Variants in FRMPD4 observed in about 807,000 individuals in gnomAD.
The protein encoded by FRMPD4 is FERM and PDZ domain-containing protein 4.
In FRMPD4, 22 loss-of-function variants were observed where a neutral mutation model predicts 94.1. That is an observed-to-expected ratio of 0.23 (90% CI 0.17 to 0.33). The LOEUF (loss-of-function observed/expected upper bound fraction) is 0.33, where lower values mean the gene tolerates loss of function less well. Among genes scored for constraint, FRMPD4 ranks in the 10% least tolerant of loss-of-function variants. FRMPD4 has a pLI of 1.00. For missense variants in FRMPD4, 1,111 were observed against 1,339.9 expected, an observed-to-expected ratio of 0.83 and a Z score of 2.67; for synonymous variants, 631 against 548.6, an observed-to-expected ratio of 1.15 and a Z score of -2.10.
At chrX:12,501,188 C>T (rs771953440) in intron 2 of FRMPD4, among the ~76,000 whole-genome samples, 10 of 112,540 alleles carry the variant, frequency 8.9e-5, no homozygotes, top group Non-Finnish European at 1.7e-4. Context: ...CTAATGCCCA[C>T]TGTTAAAACA....
chrX:12,561,966 A>G (rs938037492), intron 2 of FRMPD4, among the ~76,000 whole-genome samples: 4 of 112,556 alleles, frequency 3.6e-5, no homozygotes, highest in Non-Finnish European at 7.5e-5. Context: ...GAAACTGGGG[A>G]GATTTTTTTC....
intron 1 of FRMPD4, among the ~76,000 whole-genome samples, chrX:12,345,740 C>T (rs761670930): frequency 6.0e-4 from 67 of 112,011 alleles, no homozygotes; most frequent in Non-Finnish European, 1.2e-3. Flanking sequence ...TAATTCTGTA[C>T]TTTATTGAAC....
chrX:12,662,083 G>A (rs1003107524), intron 4 of FRMPD4, among the ~76,000 whole-genome samples: 6 of 111,974 alleles, frequency 5.4e-5, no homozygotes, highest in African/African-American at 1.6e-4. Flanking sequence ...AAAGATCATC[G>A]GAGAAACACT....
At chrX:12,511,620 A>G (rs1171338840) in intron 2 of FRMPD4, among the ~76,000 whole-genome samples, 2 of 111,947 alleles carry the variant, frequency 1.8e-5, no homozygotes, top group Non-Finnish European at 3.8e-5. Context: ...TAAAAAGAAA[A>G]AAATAAAAGT....
At chrX:12,451,763 T>TGTGTG in intron 1 of FRMPD4, among the ~76,000 whole-genome samples, 1 of 108,385 alleles carries the variant, frequency 9.2e-6, no homozygotes, top group Non-Finnish European at 1.9e-5. Context: ...TGTGTGTGTG[T>TGTGTG]GAATTCTACT....
At chrX:12,523,061 G>A (rs2058182039) in intron 2 of FRMPD4, among the ~76,000 whole-genome samples, 1 of 112,039 alleles carries the variant, frequency 8.9e-6, no homozygotes, top group Non-Finnish European at 1.9e-5. Context: ...TTTCTCCAGG[G>A]ACTTTGTTGT....
chrX:11,895,271 A>C (rs889898894), intron 3 of FRMPD4, among the ~76,000 whole-genome samples: 1 of 111,810 alleles, frequency 8.9e-6, no homozygotes, highest in African/African-American at 3.3e-5. Flanking sequence ...AACGCCATCA[A>C]GTTGTAACAA....
At chrX:12,291,296 T>C (rs1238773192) in intron 1 of FRMPD4, among the ~76,000 whole-genome samples, 1 of 111,956 alleles carries the variant, frequency 8.9e-6, no homozygotes. Context: ...TTCTTCACTT[T>C]ATCTTAATTC....
At chrX:12,700,013 C>G (rs1045776325) in intron 9 of FRMPD4, among the ~76,000 whole-genome samples, 82 of 111,800 alleles carry the variant, frequency 7.3e-4, no homozygotes, top group African/African-American at 2.5e-3. Context: ...ACAATCAAAC[C>G]ATGTTGGTCA....
intron 3 of FRMPD4, among the ~76,000 whole-genome samples, chrX:12,046,522 GGCTTCCAGAACATCTGACC>G: frequency 9.0e-6 from 1 of 111,471 alleles, no homozygotes; most frequent in South Asian, 3.8e-4. Flanking sequence ...CGTGAGTCTG[GGCTTCCAGAACATCTGACC>G]AACCTGCATC....
chrX:12,405,173 G>C (rs1232960388), intron 1 of FRMPD4, among the ~76,000 whole-genome samples: 1 of 111,528 alleles, frequency 9.0e-6, no homozygotes, highest in East Asian at 2.8e-4. Flanking sequence ...CTGGTTTAAA[G>C]GGAGTTATCT....
intron 1 of FRMPD4, among the ~76,000 whole-genome samples, chrX:12,248,720 T>A (rs2053990166): frequency 8.9e-6 from 1 of 112,462 alleles, no homozygotes. Context: ...TCTTTTAGCC[T>A]TTTTTTCCTA....
chrX:12,716,195 C>A lies in FRMPD4; in HGVS notation c.1736C>A (p.Thr579Lys). Residue 579 changes from threonine (T) to lysine (K), a missense_variant, in exon 15 of 17, where the codon ACG becomes AAG. Around this residue, in one of 8 missense-constraint regions of FRMPD4, gnomAD observed 192 missense variants for 192.5 expected, o/e 1.00. Coordinates refer to ENST00000675598, the MANE Select transcript of FRMPD4 (RefSeq NM_001368397.1). ...ACATACATAGATTCAAAGCAGAAGA[C>A]GGTGGAGATCACAGACAGCACCATG... ...QITYIDSKQK[T>K]VEITDSTMCP... 3 of 1,205,637 alleles carry A rather than the reference C, an allele frequency of 2.5e-6. No individual in the cohort carries two copies. The highest frequency in any genetic ancestry group is 3.4e-6 in the Non-Finnish European group (3 of 890,202).
At position 12,648,393 on chromosome X, in the gene FRMPD4, A is replaced by C. The variant is rs191090853; in HGVS notation, c.423-26470A>C. Among the ~76,000 whole-genome samples, 21 of 111,447 alleles carry C rather than the reference A, an allele frequency of 1.9e-4. 1 individual carries two copies. The East Asian group carries it at 5.9e-3, about 31-fold the overall frequency. Reference sequence around the variant, plus strand: ...ATTCCTTTCAAGTGCTTACCCGTTCATCAAGATCCAACTCAAACACAGCTT... The same window carrying C: ...ATTCCTTTCAAGTGCTTACCCGTTCCTCAAGATCCAACTCAAACACAGCTT... On this transcript the variant is annotated intron_variant, in intron 4 of 16. Coordinates refer to ENST00000675598, the MANE Select transcript of FRMPD4 (RefSeq NM_001368397.1).
chrX:11,851,161 A>G (rs148526472), intron 1 of FRMPD4, among the ~76,000 whole-genome samples: 1 of 111,506 alleles, frequency 9.0e-6, no homozygotes, highest in African/African-American at 3.3e-5. Flanking sequence ...AGCTCTTCCT[A>G]CCTGAAGATC....
intron 1 of FRMPD4, among the ~76,000 whole-genome samples, chrX:12,401,819 T>G (rs1040879466): frequency 3.6e-5 from 4 of 111,830 alleles, no homozygotes; most frequent in African/African-American, 1.3e-4. Context: ...AAAGTTGTAT[T>G]TGTTTATGTA....
chrX:12,330,418 T>C (rs763654552), intron 1 of FRMPD4, among the ~76,000 whole-genome samples: 41 of 111,514 alleles, frequency 3.7e-4, no homozygotes, highest in African/African-American at 1.3e-3. Context: ...AAGAGGGTAG[T>C]GCATAAATTC....
intron 1 of FRMPD4, among the ~76,000 whole-genome samples, chrX:12,442,689 TAC>T (rs2057151734): frequency 9.0e-6 from 1 of 111,709 alleles, no homozygotes; most frequent in Admixed American, 9.5e-5. Context: ...CTCAAAATGT[TAC>T]ACAGAGAGTT....
intron 3 of FRMPD4, among the ~76,000 whole-genome samples, chrX:12,023,591 A>G (rs150943214): frequency 2.9e-3 from 324 of 111,929 alleles, no homozygotes; most frequent in African/African-American, 0.01. Flanking sequence ...CTATTTACTG[A>G]TGGTGTCTTC....
Sources: gnomAD v4.1 joint callset for allele counts (sites outside exome capture counted in the v4.1 genomes callset) on GRCh38, gnomAD v4.1.1 for gene constraint, gnomAD v4.1.1 regional missense constraint, MANE v1.5 for transcripts, NCBI Gene and HGNC (gene_info 2026-07-23, HGNC 2026-07-21) for gene names.